Variants in LRP1B observed in about 807,000 individuals in gnomAD.
The protein encoded by LRP1B is LDL receptor related protein 1B, also known as low-density lipoprotein receptor-related protein 1B.
In LRP1B, 217 loss-of-function variants were observed where a neutral mutation model predicts 556.6. The observed-to-expected ratio is 0.39, with a 90% CI of 0.35 to 0.44. The LOEUF (loss-of-function observed/expected upper bound fraction) is 0.44, where lower values mean the gene tolerates loss of function less well. Ranked by LOEUF, LRP1B falls within the 20% of genes least tolerant of loss-of-function variation. LRP1B has a pLI of 1.00. For missense variants in LRP1B, 5,053 were observed against 5,620.8 expected (o/e 0.90, Z 3.23); for synonymous variants, 2,047 against 1,865.8 (o/e 1.10, Z -2.50).
At chr2:141,046,036 G>A (rs891256398) in intron 11 of LRP1B, among the ~76,000 whole-genome samples, 1 of 151,962 alleles carries the variant, frequency 6.6e-6, no homozygotes, top group Non-Finnish European at 1.5e-5. Flanking sequence ...AACAGTATAT[G>A]CAACATTTAG....
chr2:140,285,024 G>GTATA (rs1287633619), intron 84 of LRP1B, among the ~76,000 whole-genome samples: 8 of 144,784 alleles, frequency 5.5e-5, no homozygotes, highest in East Asian at 2.5e-4. Flanking sequence ...GTGTGTGTGT[G>GTATA]TGTATATATA....
intron 77 of LRP1B, among the ~76,000 whole-genome samples, chr2:140,338,201 T>C (rs754103822): frequency 1.3e-5 from 2 of 151,622 alleles, no homozygotes; most frequent in Non-Finnish European, 3.0e-5. Flanking sequence ...ACTAAAGCAG[T>C]TAGAATATGG....
At chr2:141,090,721 T>C (rs80209076) in intron 7 of LRP1B, among the ~76,000 whole-genome samples, 17 of 152,272 alleles carry the variant, frequency 1.1e-4, no homozygotes, top group African/African-American at 4.1e-4. Flanking sequence ...AGTTCTTACT[T>C]TACTAAAACA....
At chr2:141,415,827 G>A (rs945561771) in intron 3 of LRP1B, among the ~76,000 whole-genome samples, 2 of 152,080 alleles carry the variant, frequency 1.3e-5, no homozygotes, top group African/African-American at 4.8e-5. Flanking sequence ...AAAGAATGAG[G>A]AAATGTAATA....
At chr2:141,801,070 TC>T (rs1427461496) in intron 2 of LRP1B, among the ~76,000 whole-genome samples, 2 of 152,128 alleles carry the variant, frequency 1.3e-5, no homozygotes, top group Non-Finnish European at 2.9e-5. Context: ...AAGAAACATT[TC>T]TTTTTACTGT....
chr2:140,766,850 A>ATATAT (rs1553527451), intron 35 of LRP1B, among the ~76,000 whole-genome samples: 1 of 51,342 alleles, frequency 1.9e-5, no homozygotes, highest in African/African-American at 4.6e-5. Flanking sequence ...TATATTATAT[A>ATATAT]TATATATATA....
intron 77 of LRP1B, among the ~76,000 whole-genome samples, chr2:140,336,566 G>A (rs1406134991): frequency 6.6e-6 from 1 of 151,846 alleles, no homozygotes; most frequent in African/African-American, 2.4e-5. Context: ...CAGATGCTCT[G>A]CATCCTCACC....
chr2:140,709,688 C>G (rs1305413154), intron 37 of LRP1B, among the ~76,000 whole-genome samples: 1 of 152,026 alleles, frequency 6.6e-6, no homozygotes, highest in Admixed American at 6.6e-5. Context: ...CTAATTCACT[C>G]CATTATGGTT....
intron 1 of LRP1B, among the ~76,000 whole-genome samples, chr2:141,929,303 T>C (rs1286884544): frequency 6.6e-6 from 1 of 152,046 alleles, no homozygotes; most frequent in Non-Finnish European, 1.5e-5. Flanking sequence ...AACACACACA[T>C]AATACATGCA....
At chr2:140,308,417 C>T (rs1004582333) in intron 83 of LRP1B, among the ~76,000 whole-genome samples, 1 of 151,790 alleles carries the variant, frequency 6.6e-6, no homozygotes, top group African/African-American at 2.4e-5. Context: ...TCCTTCTGAG[C>T]TTTCTGTGAC....
intron 2 of LRP1B, among the ~76,000 whole-genome samples, chr2:141,664,707 GA>G (rs35666073): frequency 0.058 from 8,832 of 151,712 alleles, 353 homozygotes; most frequent in East Asian, 0.16. Context: ...AATCAGATAG[GA>G]AAAAAAACAT....
intron 7 of LRP1B, among the ~76,000 whole-genome samples, chr2:141,085,384 A>T (rs535788844): frequency 3.9e-5 from 6 of 152,170 alleles, no homozygotes; most frequent in African/African-American, 1.4e-4. Context: ...TGAAAATAGG[A>T]CTTTAAAGAG....
chr2:141,124,734 C>G (rs1472547706), intron 7 of LRP1B, among the ~76,000 whole-genome samples: 3 of 150,440 alleles, frequency 2.0e-5, no homozygotes, highest in African/African-American at 7.3e-5. Context: ...CTCATTGAAT[C>G]TCAAATTCAG....
At chr2:141,491,981 AG>A (rs1198059641) in intron 2 of LRP1B, among the ~76,000 whole-genome samples, 1 of 150,284 alleles carries the variant, frequency 6.7e-6, no homozygotes, top group African/African-American at 2.4e-5. Context: ...AGTGGAAGAA[AG>A]GGTTTTGGTG....
intron 1 of LRP1B, among the ~76,000 whole-genome samples, chr2:141,838,554 C>G (rs562286207): frequency 7.2e-4 from 109 of 152,222 alleles, no homozygotes; most frequent in African/African-American, 2.4e-3. Flanking sequence ...ACTTTATAGT[C>G]AACATATTTA....
At chr2:141,259,569 T>C (rs934684133) in intron 3 of LRP1B, among the ~76,000 whole-genome samples, 1 of 152,188 alleles carries the variant, frequency 6.6e-6, no homozygotes. Flanking sequence ...CCAGCAGACT[T>C]CTCACCCTTT....
chr2:140,539,972 A>T (rs1317160396), intron 45 of LRP1B, among the ~76,000 whole-genome samples: 1 of 152,150 alleles, frequency 6.6e-6, no homozygotes, highest in Non-Finnish European at 1.5e-5. Flanking sequence ...CACAGTGAGA[A>T]AATATGTCTA....
At chr2:141,337,101 C>T (rs562511651) in intron 3 of LRP1B, among the ~76,000 whole-genome samples, 1 of 152,072 alleles carries the variant, frequency 6.6e-6, no homozygotes, top group Non-Finnish European at 1.5e-5. Context: ...ATTTAAATGT[C>T]TAAAAAAAAC....
At chr2:140,742,407 AT>A (rs930096393) in intron 35 of LRP1B, among the ~76,000 whole-genome samples, 2 of 152,158 alleles carry the variant, frequency 1.3e-5, no homozygotes, top group Non-Finnish European at 2.9e-5. Flanking sequence ...TATTTCTAGC[AT>A]TGCATTTAAA....
Sources: gnomAD v4.1 joint callset for allele counts (sites outside exome capture counted in the v4.1 genomes callset) on GRCh38, gnomAD v4.1.1 for gene constraint, MANE v1.5 for transcripts, NCBI Gene and HGNC (gene_info 2026-07-23, HGNC 2026-07-21) for gene names.